The following ROBO2 variants were observed in gnomAD, a reference collection of about 807,000 sequenced individuals.
The protein encoded by ROBO2 is roundabout guidance receptor 2.
Under a neutral mutation model 160.8 loss-of-function variants are expected in ROBO2, and 53 were observed. That is an observed-to-expected ratio of 0.33 (90% CI 0.26 to 0.41). The LOEUF is 0.41. Among genes scored for constraint, ROBO2 ranks in the 10% least tolerant of loss-of-function variants. ROBO2 has a pLI of 1.00. For synonymous variants in ROBO2, 664 were observed against 611.7 expected (o/e 1.09, Z -1.26); for missense variants, 1,577 against 1,722.4 (o/e 0.92, Z 1.49).
chr3:76,820,745 G>C (rs1296392357), intron 2 of ROBO2, among the ~76,000 whole-genome samples: 1 of 151,900 alleles, frequency 6.6e-6, no homozygotes, highest in African/African-American at 2.4e-5. Flanking sequence ...TGCAGTTACT[G>C]TTTACAATAT....
rs186739805 is a variant in ROBO2 at position 77,533,465 on chromosome 3, G to A, written c.934+10563G>A. On this transcript the variant is annotated intron_variant, in intron 6 of 25. Coordinates refer to ENST00000461745, the Ensembl canonical transcript of ROBO2. Reference sequence around the variant, plus strand: ...TATTGGCCAGGTTGCACTCTCCTCCGGAGACTGTCCAGAGGAATCCACTTC... The same window carrying A: ...TATTGGCCAGGTTGCACTCTCCTCCAGAGACTGTCCAGAGGAATCCACTTC... Among the ~76,000 whole-genome samples, 339 of 152,232 alleles carry A rather than the reference G, an allele frequency of 2.2e-3. 1 individual carries two copies. The South Asian group carries it at 0.025, about 11-fold the overall frequency.
chr3:76,607,321 G>A (rs989164189), intron 2 of ROBO2, among the ~76,000 whole-genome samples: 1 of 152,130 alleles, frequency 6.6e-6, no homozygotes, highest in Non-Finnish European at 1.5e-5. Flanking sequence ...ACACCACCAT[G>A]CCAAGCTTCC....
intron 2 of ROBO2, among the ~76,000 whole-genome samples, chr3:76,355,006 A>ATT (rs1244216479): frequency 2.5e-4 from 38 of 150,968 alleles, no homozygotes; most frequent in Admixed American, 2.3e-3. Flanking sequence ...ATATCTGGAT[A>ATT]TGTGTGTATG....
At chr3:76,832,986 G>A (rs140833832) in intron 2 of ROBO2, among the ~76,000 whole-genome samples, 3 of 152,098 alleles carry the variant, frequency 2.0e-5, no homozygotes. Context: ...TAAAAACAAA[G>A]GGAGAGGTTA....
chr3:76,535,182 A>G (rs1207384287), intron 2 of ROBO2, among the ~76,000 whole-genome samples: 1 of 151,954 alleles, frequency 6.6e-6, no homozygotes, highest in African/African-American at 2.4e-5. Flanking sequence ...TATTGAGGAG[A>G]GGAGACTATA....
intron 2 of ROBO2, among the ~76,000 whole-genome samples, chr3:76,296,746 A>AT (rs1165338866): frequency 3.3e-5 from 5 of 152,156 alleles, no homozygotes; most frequent in Non-Finnish European, 5.9e-5. Flanking sequence ...GGAACTGCAT[A>AT]TGGTGCCAGT....
chr3:77,063,240 C>G (rs996753509), intron 1 of ROBO2, among the ~76,000 whole-genome samples: 3 of 152,146 alleles, frequency 2.0e-5, no homozygotes, highest in Non-Finnish European at 4.4e-5. Context: ...CCACCCCTAA[C>G]CAGTTACATG....
rs148355849 is a variant in ROBO2 at position 76,128,507 on chromosome 3, C to T, written c.109+190905C>T. Among the ~76,000 whole-genome samples, 170 of 152,166 alleles carry T rather than the reference C, an allele frequency of 1.1e-3. 1 individual carries two copies. Among genetic ancestry groups the T allele is most frequent in the African/African-American group, 3.9e-3 (163 of 41,548 alleles). ...TTGGGGAAACCTTTTAGGAAATGAT[C>T]TTGCCTAGCTGAAAAGATAAGATAT... On this transcript the variant is annotated intron_variant, in intron 2 of 26. Transcript: ENST00000487694.
intron 6 of ROBO2, among the ~76,000 whole-genome samples, chr3:77,540,533 A>T (rs1156823338): frequency 6.6e-6 from 1 of 151,840 alleles, no homozygotes; most frequent in Non-Finnish European, 1.5e-5. Flanking sequence ...ACACATAGGC[A>T]CAGGGAGGGG....
At chr3:76,714,166 GA>G (rs1418561215) in intron 2 of ROBO2, among the ~76,000 whole-genome samples, 2 of 152,038 alleles carry the variant, frequency 1.3e-5, no homozygotes, top group East Asian at 3.9e-4. Context: ...CCAAAATTAG[GA>G]GGAAAATTTT....
chr3:76,112,519 T>C (rs2070279993), intron 2 of ROBO2, among the ~76,000 whole-genome samples: 1 of 152,082 alleles, frequency 6.6e-6, no homozygotes, highest in African/African-American at 2.4e-5. Context: ...ATCTACCATG[T>C]TGTTTTCTGT....
At chr3:76,177,254 A>G (rs2073264846) in intron 2 of ROBO2, among the ~76,000 whole-genome samples, 1 of 152,168 alleles carries the variant, frequency 6.6e-6, no homozygotes, top group Admixed American at 6.5e-5. Flanking sequence ...ATGGTATCTT[A>G]AATTGGGTAT....
At chr3:76,884,550 C>G (rs1391816727) in intron 2 of ROBO2, among the ~76,000 whole-genome samples, 4 of 152,146 alleles carry the variant, frequency 2.6e-5, no homozygotes, top group African/African-American at 9.7e-5. Flanking sequence ...AGGCAAGCGT[C>G]CCCTAGGACT....
chr3:76,500,297 T>G (rs2080389456), intron 2 of ROBO2, among the ~76,000 whole-genome samples: 1 of 152,134 alleles, frequency 6.6e-6, no homozygotes, highest in South Asian at 2.1e-4. Context: ...TTGTGTACTT[T>G]TTGTAGAGAC....
intron 2 of ROBO2, among the ~76,000 whole-genome samples, chr3:76,914,550 A>G (rs1320102380): frequency 6.6e-6 from 1 of 152,110 alleles, no homozygotes; most frequent in Non-Finnish European, 1.5e-5. Context: ...AGAAATAATT[A>G]TTGGATCTTG....
intron 2 of ROBO2, among the ~76,000 whole-genome samples, chr3:77,213,763 A>G (rs2084518950): frequency 6.6e-6 from 1 of 151,826 alleles, no homozygotes; most frequent in African/African-American, 2.4e-5. Flanking sequence ...TGTCCCAGAG[A>G]TTCTGGTATG....
chr3:76,898,072 T>A (rs2148856929), intron 2 of ROBO2, among the ~76,000 whole-genome samples: 1 of 152,232 alleles, frequency 6.6e-6, no homozygotes, highest in Non-Finnish European at 1.5e-5. Flanking sequence ...GCATTGTCTC[T>A]CATAAGGGAC....
At chr3:76,909,321 T>C (rs2075819509) in intron 2 of ROBO2, among the ~76,000 whole-genome samples, 1 of 152,186 alleles carries the variant, frequency 6.6e-6, no homozygotes, top group African/African-American at 2.4e-5. Flanking sequence ...CACGCTTGCC[T>C]CTGCATGTGC....
At chr3:76,396,991 A>T (rs1038251722) in intron 2 of ROBO2, among the ~76,000 whole-genome samples, 1 of 152,170 alleles carries the variant, frequency 6.6e-6, no homozygotes, top group African/African-American at 2.4e-5. Context: ...TTCATATGGA[A>T]CCAAAAAAGA....
Sources: allele counts gnomAD v4.1 joint callset (sites outside exome capture counted in the v4.1 genomes callset), GRCh38; gene constraint gnomAD v4.1.1; transcripts MANE v1.5; gene names NCBI Gene and HGNC (gene_info 2026-07-23, HGNC 2026-07-21).